ATG10: variants seen among roughly 807,000 people sequenced by gnomAD.
ATG10 encodes ubiquitin-like-conjugating enzyme ATG10.
A neutral mutation model predicts 32.1 loss-of-function variants in ATG10; 30 were observed. The observed-to-expected ratio is 0.94, with a 90% CI of 0.70 to 1.27. ATG10 has a LOEUF of 1.27. Ranked by LOEUF, ATG10 falls within the 50% of genes most tolerant of loss-of-function variation. The probability of loss-of-function intolerance (pLI) is 0.00; values close to 1 mark genes in which losing one functional copy is unlikely to be tolerated. For missense variants in ATG10, 233 were observed against 262.3 expected (o/e 0.89, Z 0.77); for synonymous variants, 87 against 91.5 (o/e 0.95, Z 0.28).
intron 2 of ATG10, among the ~76,000 whole-genome samples, chr5:82,028,039 A>G (rs1290562335): frequency 6.6e-6 from 1 of 152,238 alleles, no homozygotes; most frequent in Non-Finnish European, 1.5e-5. Context: ...ACAAGGTCAC[A>G]CCATTAAAAG....
At chr5:82,023,537 TG>T (rs1426464175) in intron 2 of ATG10, among the ~76,000 whole-genome samples, 1 of 152,226 alleles carries the variant, frequency 6.6e-6, no homozygotes, top group Non-Finnish European at 1.5e-5. Flanking sequence ...TAAACTAAAA[TG>T]AGTAAAATTA....
rs1023610315 is a variant in ATG10, at chr5:82,024,313, G to A, written c.109-34182G>A. 5.3e-5 allele frequency among the ~76,000 whole-genome samples: 8 copies of A among 152,038 alleles called. No homozygotes were observed. In the South Asian group the frequency reaches 1.7e-3, roughly 32 times the overall value. ...GGGTAGAGGTAGATATTTGGGTTGG[G>A]ATGAGAGACTGTATTCTAAGGCAGC... On this transcript the variant is annotated intron_variant, in intron 2 of 7. Coordinates refer to ENST00000282185, the MANE Select transcript of ATG10 (RefSeq NM_031482.5).
intron 5 of ATG10, among the ~76,000 whole-genome samples, chr5:82,200,731 G>C (rs951165842): frequency 6.6e-6 from 1 of 150,832 alleles, no homozygotes; most frequent in African/African-American, 2.4e-5. Context: ...ACGTATTCCA[G>C]ATATAAGTCC....
At chr5:82,159,654 C>G (rs2149893487) in intron 3 of ATG10, among the ~76,000 whole-genome samples, 1 of 152,228 alleles carries the variant, frequency 6.6e-6, no homozygotes, top group East Asian at 1.9e-4. Context: ...CATCACCACT[C>G]CATGCCAGTC....
intron 2 of ATG10, among the ~76,000 whole-genome samples, chr5:82,037,234 CTTTTTTTTTTTTTTT>C (rs1166784267): frequency 8.9e-4 from 33 of 36,948 alleles, no homozygotes; most frequent in Middle Eastern, 0.036. Context: ...ATCTCATTTA[CTTTTTTTTTTTTTTT>C]TTTTTTTTTT....
intron 3 of ATG10, among the ~76,000 whole-genome samples, chr5:82,090,216 C>T (rs112355050): frequency 0.19 from 28,733 of 151,912 alleles, 3,120 homozygotes; most frequent in Middle Eastern, 0.28. Flanking sequence ...TTTTAGAAAA[C>T]GAAACATACA....
At chr5:82,194,971 G>A (rs1057491154) in intron 5 of ATG10, among the ~76,000 whole-genome samples, 1 of 152,174 alleles carries the variant, frequency 6.6e-6, no homozygotes, top group Non-Finnish European at 1.5e-5. Flanking sequence ...TGGCCAAACT[G>A]CACATGTACC....
chr5:82,182,900 A>AT (rs1054012794), intron 5 of ATG10, among the ~76,000 whole-genome samples: 14 of 151,912 alleles, frequency 9.2e-5, no homozygotes, highest in Non-Finnish European at 1.3e-4. Flanking sequence ...CTTTTGTGTC[A>AT]TTTTTTTAAA....
Position 81,987,568 on chromosome 5 carries a change from A to G in ATG10, c.-3A>G. On this transcript the variant is annotated 5_prime_UTR_variant, in exon 2 of 8. Coordinates refer to ENST00000282185, the MANE Select transcript of ATG10 (RefSeq NM_031482.5). ...AGTTTTTGTATTGCAGTTATCATTT[A>G]ACATGGAAGAAGATGAGTTCATTGG... is the stretch of plus-strand genomic sequence containing the variant. 1 of 1,594,534 alleles carries G rather than the reference A, an allele frequency of 6.3e-7. No individual in the cohort carries two copies. Among genetic ancestry groups the G allele is most frequent in the Non-Finnish European group, 8.6e-7 (1 of 1,167,160 alleles).
intron 4 of ATG10, among the ~76,000 whole-genome samples, chr5:82,166,580 C>G (rs1377439446): frequency 3.9e-5 from 6 of 152,190 alleles, no homozygotes; most frequent in African/African-American, 1.4e-4. Flanking sequence ...ATGTATCAAC[C>G]TTTACTCTGG....
At chr5:82,067,794 C>G (rs540126031) in intron 3 of ATG10, among the ~76,000 whole-genome samples, 1 of 152,110 alleles carries the variant, frequency 6.6e-6, no homozygotes, top group Admixed American at 6.6e-5. Flanking sequence ...AGTAGAAAAG[C>G]CTTTGTAAAG....
chr5:81,973,839 TTATTGA>T (rs1349260141), intron 1 of ATG10, among the ~76,000 whole-genome samples: 2 of 152,198 alleles, frequency 1.3e-5, no homozygotes, highest in Non-Finnish European at 2.9e-5. Flanking sequence ...TTAAAAATTG[TTATTGA>T]TATTTTAAAT....
chr5:81,984,063 G>T (rs1415418511), intron 1 of ATG10, among the ~76,000 whole-genome samples: 1 of 152,246 alleles, frequency 6.6e-6, no homozygotes, highest in East Asian at 1.9e-4. Context: ...CACTTTGGGA[G>T]GCCAAGGCAG....
At chr5:82,182,828 T>C (rs1263428893) in intron 5 of ATG10, among the ~76,000 whole-genome samples, 1 of 152,116 alleles carries the variant, frequency 6.6e-6, no homozygotes, top group Non-Finnish European at 1.5e-5. Context: ...GTTTGTGATA[T>C]TGTACTATAG....
At chr5:82,011,578 T>C (rs1200743685) in intron 2 of ATG10, among the ~76,000 whole-genome samples, 1 of 152,230 alleles carries the variant, frequency 6.6e-6, no homozygotes, top group African/African-American at 2.4e-5. Flanking sequence ...AAGATTATTC[T>C]TTTGAGCCTG....
At chr5:82,034,220 C>G (rs1250797082) in intron 2 of ATG10, among the ~76,000 whole-genome samples, 1 of 151,980 alleles carries the variant, frequency 6.6e-6, no homozygotes, top group Non-Finnish European at 1.5e-5. Context: ...CTACCCAGCC[C>G]CCAACCTGTA....
chr5:82,158,152 A>G (rs1012074955), intron 3 of ATG10, among the ~76,000 whole-genome samples: 5 of 152,178 alleles, frequency 3.3e-5, no homozygotes, highest in African/African-American at 1.2e-4. Context: ...ATGAGAGATC[A>G]CTGTCAACTT....
intron 3 of ATG10, among the ~76,000 whole-genome samples, chr5:82,142,074 T>C (rs148849072): frequency 1.2e-3 from 182 of 152,316 alleles, no homozygotes; most frequent in African/African-American, 4.2e-3. Context: ...CTGGATTATA[T>C]AGAGCTTAGA....
chr5:82,189,424 T>G (rs1196152145), intron 5 of ATG10, among the ~76,000 whole-genome samples: 1 of 152,148 alleles, frequency 6.6e-6, no homozygotes, highest in Non-Finnish European at 1.5e-5. Flanking sequence ...GGAAAAATAG[T>G]CTTCTTTATA....
Sources: gnomAD v4.1 joint callset for allele counts (sites outside exome capture counted in the v4.1 genomes callset) on GRCh38, gnomAD v4.1.1 for gene constraint, MANE v1.5 for transcripts, NCBI Gene and HGNC (gene_info 2026-07-23, HGNC 2026-07-21) for gene names.